The following WDR26 variants were observed in gnomAD, a reference collection of about 807,000 sequenced individuals.
WDR26 encodes the protein WD repeat-containing protein 26.
WDR26 carries 5 observed loss-of-function variants against 84.1 expected under a neutral mutation model. The ratio of observed to expected loss-of-function variants is 0.06; its 90% CI spans 0.03 to 0.13. WDR26 has a LOEUF of 0.13. Among genes scored for constraint, WDR26 ranks in the 10% least tolerant of loss-of-function variants. WDR26 has a pLI of 1.00. For missense variants in WDR26, 642 were observed against 974.9 expected, an observed-to-expected ratio of 0.66 and a Z score of 4.55; for synonymous variants, 415 against 389.6, an observed-to-expected ratio of 1.07 and a Z score of -0.77.
At chr1:224,428,500 AT>A (rs1674293080) in intron 3 of WDR26, among the ~76,000 whole-genome samples, 1 of 152,218 alleles carries the variant, frequency 6.6e-6, no homozygotes, top group South Asian at 2.1e-4. Context: ...ATATTAAAAA[AT>A]AACCAAATAT....
chr1:224,418,223 T>C (rs752545489), intron 6 of WDR26, 37 bp downstream of exon 6: 5 of 1,561,818 alleles, frequency 3.2e-6, no homozygotes, highest in Admixed American at 2.0e-5. Flanking sequence ...TTGTAAAATG[T>C]TAGGCTGTTT....
intron 6 of WDR26, among the ~76,000 whole-genome samples, chr1:224,417,512 C>T (rs1283515643): frequency 6.6e-6 from 1 of 152,156 alleles, no homozygotes; most frequent in Non-Finnish European, 1.5e-5. Context: ...AGTTCAAGAC[C>T]AGCTGGGGCA....
intron 6 of WDR26, among the ~76,000 whole-genome samples, chr1:224,416,424 C>CA (rs377172147): frequency 5.3e-5 from 8 of 152,126 alleles, no homozygotes; most frequent in African/African-American, 1.9e-4. Context: ...GACAGGGTTT[C>CA]ACCATGTTAG....
intron 9 of WDR26, 84 bp from the exon 10 acceptor site, chr1:224,399,118 T>A: frequency 7.8e-7 from 1 of 1,288,400 alleles, no homozygotes; most frequent in Non-Finnish European, 1.0e-6. Flanking sequence ...CCCTTCACAA[T>A]ATCTTTTAGT....
intron 12 of WDR26, among the ~76,000 whole-genome samples, 170 bp from the exon 13 acceptor site, chr1:224,394,183 TAC>T (rs901273501): frequency 4.6e-5 from 7 of 152,228 alleles, no homozygotes; most frequent in African/African-American, 1.4e-4. Context: ...AAATCAAATA[TAC>T]ACTTTTTTCC....
chr1:224,401,429 C>T lies in WDR26; in HGVS notation c.1600-360G>A, dbSNP rs556736471. ...TACATACCTATTCCTTCTGAGCTTC[C>T]ACTTCTCAGTCCAAAGTTTTTTATA... On this transcript the variant is annotated intron_variant, in intron 8 of 13. Transcript: ENST00000414423. Among the ~76,000 whole-genome samples the T allele has an allele frequency of 3.9e-5, 6 of 152,018 alleles. No individual in the cohort carries two copies. In the South Asian group the frequency reaches 1.0e-3, roughly 26 times the overall value.
intron 7 of WDR26, among the ~76,000 whole-genome samples, chr1:224,411,090 G>C (rs1673723930): frequency 6.6e-6 from 1 of 152,174 alleles, no homozygotes; most frequent in Admixed American, 6.5e-5. Context: ...GTCAAACTTT[G>C]TCACGTACTA....
rs146396920 is a variant in WDR26 at position 224,421,448 on chromosome 1, G to T, written c.1065-1833C>A. Among the ~76,000 whole-genome samples the T allele has an allele frequency of 3.0e-4, 45 of 152,252 alleles. 1 individual carries two copies. The East Asian group carries it at 8.5e-3, about 29-fold the overall frequency. On this transcript the variant is annotated intron_variant, in intron 4 of 13. Transcript: ENST00000414423. ...AAAAATACAGAAAAAAAATTAACTG[G>T]GCGTGGTGGTGCATGCCTGTAATCC...
Position 224,398,164 on chromosome 1 carries a change from T to C in WDR26, c.2007A>G (p.Gln669=), listed in dbSNP as rs1673314018. 6.2e-7 allele frequency: 1 copy of C among 1,613,614 alleles called. No individual in the cohort carries two copies. Among genetic ancestry groups the C allele is most frequent in the Non-Finnish European group, 8.5e-7 (1 of 1,179,908 alleles). ...AACATGAATGAATTGTATAAAACCCTTGTGTAACACCTTGATACTTTCTTA... is the reference window on the plus strand; with the variant it reads ...AACATGAATGAATTGTATAAAACCCCTGTGTAACACCTTGATACTTTCTTA... Residue 669 remains glutamine (Q), a synonymous_variant, in exon 12 of 14, where the codon CAA becomes CAG. Coordinates refer to ENST00000414423, the MANE Select transcript of WDR26 (RefSeq NM_001379403.1).
intron 13 of WDR26, among the ~76,000 whole-genome samples, chr1:224,393,058 A>G (rs1673170321): frequency 6.6e-6 from 1 of 152,200 alleles, no homozygotes; most frequent in East Asian, 1.9e-4. Flanking sequence ...GTACTGATAT[A>G]TCATGTTCAA....
chr1:224,433,609 CGCCCCTTCCCCT>C, intron 1 of WDR26, 63 bp downstream of exon 1: 2 of 750,714 alleles, frequency 2.7e-6, no homozygotes, highest in Non-Finnish European at 1.8e-6. Flanking sequence ...CTCCCCCCTC[CGCCCCTTCCCCT>C]ACCCCCCTGG....
At chr1:224,414,096 G>A (rs913104797) in intron 6 of WDR26, among the ~76,000 whole-genome samples, 1 of 150,420 alleles carries the variant, frequency 6.6e-6, no homozygotes, top group Admixed American at 6.6e-5. Context: ...ACAGGCGTGA[G>A]CCACCACGCC....
intron 6 of WDR26, among the ~76,000 whole-genome samples, chr1:224,417,719 T>C (rs1043066806): frequency 5.3e-5 from 8 of 152,152 alleles, no homozygotes; most frequent in Admixed American, 4.6e-4. Flanking sequence ...AACAAAAACA[T>C]CAAGAACAAA....
intron 13 of WDR26, 51 bp from the exon 14 acceptor site, chr1:224,389,911 G>T: frequency 1.6e-6 from 2 of 1,230,304 alleles, no homozygotes; most frequent in Non-Finnish European, 2.3e-6. Context: ...GGAGGGAAGA[G>T]GGGAAGGAGA....
intron 7 of WDR26, among the ~76,000 whole-genome samples, chr1:224,410,863 T>C (rs1572185397): frequency 6.6e-6 from 1 of 152,086 alleles, no homozygotes; most frequent in East Asian, 1.9e-4. Context: ...CATGCCTGGC[T>C]AATTTTTTGT....
intron 7 of WDR26, among the ~76,000 whole-genome samples, chr1:224,408,633 CTT>C (rs67639407): frequency 3.0e-3 from 350 of 115,784 alleles, no homozygotes; most frequent in East Asian, 8.5e-3. Context: ...TCATCCCATT[CTT>C]TTTTTTTTTT....
intron 7 of WDR26, among the ~76,000 whole-genome samples, chr1:224,408,783 A>G (rs1463750323): frequency 2.6e-5 from 4 of 152,110 alleles, no homozygotes; most frequent in African/African-American, 9.7e-5. Context: ...CGCTTTCATA[A>G]TACTTTATGT....
chr1:224,417,623 T>C (rs1010902692), intron 6 of WDR26, among the ~76,000 whole-genome samples: 5 of 152,204 alleles, frequency 3.3e-5, no homozygotes, highest in Non-Finnish European at 7.3e-5. Flanking sequence ...AGTGGATCAC[T>C]TGAGCCTAAG....
At chr1:224,415,537 T>C (rs1673875794) in intron 6 of WDR26, among the ~76,000 whole-genome samples, 1 of 144,530 alleles carries the variant, frequency 6.9e-6, no homozygotes. Flanking sequence ...CTCTGCTCAC[T>C]GCAACCTCTG....
Sources: allele counts gnomAD v4.1 joint callset (sites outside exome capture counted in the v4.1 genomes callset), GRCh38; gene constraint gnomAD v4.1.1; transcripts MANE v1.5; gene names NCBI Gene and HGNC (gene_info 2026-07-23, HGNC 2026-07-21).